The following LINC00305 variants were observed in gnomAD, a reference collection of about 807,000 sequenced individuals.
The protein encoded by LINC00305 is long intergenic non-protein coding RNA 305.
intron 1 of LINC00305, among the ~76,000 whole-genome samples, chr18:64,146,085 A>T (rs1038714426): frequency 1.3e-5 from 2 of 152,206 alleles, no homozygotes; most frequent in African/African-American, 4.8e-5. Flanking sequence ...ACTCTGAAAG[A>T]CAATTATCTT....
At chr18:64,094,856 A>AAAATAAATAAATAAATAAATAAAT (rs754074493) in intron 3 of LINC00305, among the ~76,000 whole-genome samples, 4,701 of 120,748 alleles carry the variant, frequency 0.039, 294 homozygotes, top group African/African-American at 0.12. Context: ...TTCATCTCAA[A>AAAATAAATAAATAAATAAATAAAT]AAATAAATAA....
intron 3 of LINC00305, among the ~76,000 whole-genome samples, chr18:64,092,590 C>T (rs1476311774): frequency 6.6e-6 from 1 of 152,056 alleles, no homozygotes; most frequent in Admixed American, 6.6e-5. Flanking sequence ...CATTTGCTGA[C>T]TAATCTGATT....
intron 3 of LINC00305, among the ~76,000 whole-genome samples, chr18:64,093,103 A>G (rs965720276): frequency 3.9e-5 from 6 of 152,210 alleles, no homozygotes; most frequent in Admixed American, 3.9e-4. Context: ...GTCTATAAAA[A>G]TATTAGCCTT....
intron 1 of LINC00305, among the ~76,000 whole-genome samples, chr18:64,103,441 C>T (rs568376103): frequency 6.6e-6 from 1 of 152,226 alleles, no homozygotes. Flanking sequence ...CTTCCTTTTG[C>T]GGCACTTCTC....
intron 1 of LINC00305, among the ~76,000 whole-genome samples, chr18:64,103,208 T>A (rs1384475171): frequency 6.6e-6 from 1 of 152,230 alleles, no homozygotes; most frequent in Non-Finnish European, 1.5e-5. Context: ...GTCTGCCATT[T>A]TCCCTGCTCC....
intron 1 of LINC00305, among the ~76,000 whole-genome samples, chr18:64,146,036 G>A (rs965092849): frequency 6.6e-6 from 1 of 151,976 alleles, no homozygotes; most frequent in Non-Finnish European, 1.5e-5. Context: ...ATATTTTATG[G>A]AAAGAACAAA....
intron 1 of LINC00305, among the ~76,000 whole-genome samples, chr18:64,126,151 A>G (rs1182003232): frequency 1.3e-5 from 2 of 152,026 alleles, no homozygotes; most frequent in Non-Finnish European, 2.9e-5. Flanking sequence ...CTACCTTGCA[A>G]TTAGATGGTG....
At chr18:64,090,621 G>C (rs1337926241) in intron 3 of LINC00305, among the ~76,000 whole-genome samples, 1 of 152,206 alleles carries the variant, frequency 6.6e-6, no homozygotes, top group Admixed American at 6.5e-5. Flanking sequence ...GGGGCCCCTT[G>C]CTCAAGTATT....
chr18:64,135,190 T>A lies in LINC00305; in HGVS notation n.314+13585A>T, dbSNP rs112547083. On this transcript the variant is annotated intron_variant and non_coding_transcript_variant, in intron 1 of 3. Transcript: ENST00000666468. Reference sequence around the variant, plus strand: ...TGTCTTTGTCCAAATTACCCCTTTTTATAAGGACACCGGTCATATTAGATT... The same window carrying A: ...TGTCTTTGTCCAAATTACCCCTTTTAATAAGGACACCGGTCATATTAGATT... Among the ~76,000 whole-genome samples the A allele has an allele frequency of 8.1e-3, 1,226 of 152,228 alleles. 19 individuals are homozygous for A. Among genetic ancestry groups the A allele is most frequent in the African/African-American group, 0.028 (1,175 of 41,510 alleles).
intron 3 of LINC00305, among the ~76,000 whole-genome samples, chr18:64,093,326 T>C (rs1027585331): frequency 2.0e-5 from 3 of 152,142 alleles, no homozygotes; most frequent in Non-Finnish European, 4.4e-5. Context: ...TCCTAACCTA[T>C]TTTTATTTTT....
At chr18:64,104,857 G>A (rs1303571098) in intron 1 of LINC00305, among the ~76,000 whole-genome samples, 1 of 151,818 alleles carries the variant, frequency 6.6e-6, no homozygotes, top group Non-Finnish European at 1.5e-5. Context: ...GGCCCAGGCT[G>A]CATCCTGGGA....
rs999607677 is a variant in LINC00305 at position 64,119,146 on chromosome 18, A to G, written n.315-20506T>C. On this transcript the variant is annotated intron_variant and non_coding_transcript_variant, in intron 1 of 3. Coordinates refer to ENST00000666468, the Ensembl canonical transcript of LINC00305. The stretch of plus-strand genomic sequence containing the variant: ...AAATAGGTAAATGAAAAAAGACAAT[A>G]CATGTGACTCCAGTAGAATTCAGGG... 3.9e-5 allele frequency among the ~76,000 whole-genome samples: 6 copies of G among 152,256 alleles called. No homozygotes were observed. In the South Asian group the frequency reaches 1.2e-3, roughly 32 times the overall value.
chr18:64,094,856 A>AAAATAAAT (rs754074493), intron 3 of LINC00305, among the ~76,000 whole-genome samples: 1,232 of 120,818 alleles, frequency 0.01, 20 homozygotes, highest in African/African-American at 0.03. Flanking sequence ...TTCATCTCAA[A>AAAATAAAT]AAATAAATAA....
chr18:64,126,372 AT>A (rs919449603), intron 1 of LINC00305, among the ~76,000 whole-genome samples: 35 of 152,166 alleles, frequency 2.3e-4, no homozygotes, highest in African/African-American at 8.2e-4. Flanking sequence ...CAGTAATTAT[AT>A]TTTTTTCACA....
intron 1 of LINC00305, among the ~76,000 whole-genome samples, chr18:64,116,390 A>G (rs1374684461): frequency 6.6e-6 from 1 of 152,202 alleles, no homozygotes; most frequent in African/African-American, 2.4e-5. Context: ...ATGTTTTAAG[A>G]ACATATTAAT....
At chr18:64,098,042 CCAA>C (rs1271266471) in intron 2 of LINC00305, 5 of 455,008 alleles carry the variant, frequency 1.1e-5, no homozygotes, top group African/African-American at 1.0e-4. Context: ...CAACAACTAA[CCAA>C]CAACAAAATT....
chr18:64,090,165 A>C (rs1012007093), intron 3 of LINC00305, among the ~76,000 whole-genome samples: 4 of 152,238 alleles, frequency 2.6e-5, no homozygotes, highest in African/African-American at 9.6e-5. Flanking sequence ...TTTATAGCCA[A>C]TATCACTAAG....
In LINC00305 at chr18:64,143,290, T is replaced by A. The variant is rs529141024; in HGVS notation, n.314+5485A>T. On this transcript the variant is annotated intron_variant and non_coding_transcript_variant, in intron 1 of 3. Transcript: ENST00000666468. Reference sequence around the variant, plus strand: ...GGATTGTAAGAGGTAAACATAAGATTAACAAAGCACCAAGATGACACTAAA... The same window carrying A: ...GGATTGTAAGAGGTAAACATAAGATAAACAAAGCACCAAGATGACACTAAA... 3.3e-5 allele frequency among the ~76,000 whole-genome samples: 5 copies of A among 152,258 alleles called. No homozygotes were observed. The East Asian group carries it at 5.8e-4, about 18-fold the overall frequency.
rs73471536 is a variant in LINC00305 at position 64,143,072 on chromosome 18, G to A, written n.314+5703C>T. Among the ~76,000 whole-genome samples, 179 of 152,278 alleles carry A rather than the reference G, an allele frequency of 1.2e-3. 1 individual carries two copies. Among genetic ancestry groups the A allele is most frequent in the African/African-American group, 4.2e-3 (174 of 41,550 alleles). On this transcript the variant is annotated intron_variant and non_coding_transcript_variant, in intron 1 of 3. Coordinates refer to ENST00000666468, the Ensembl canonical transcript of LINC00305. ...GTGCCATGAGGGGAAGGGGAAGAGAGTGGGAGTTAAAGATGTAAGAGTAAA... is the reference window on the plus strand; with the variant it reads ...GTGCCATGAGGGGAAGGGGAAGAGAATGGGAGTTAAAGATGTAAGAGTAAA...
Sources: gnomAD v4.1 joint callset for allele counts (sites outside exome capture counted in the v4.1 genomes callset) on GRCh38, gnomAD v4.1.1 for gene constraint, MANE v1.5 for transcripts, NCBI Gene and HGNC (gene_info 2026-07-23, HGNC 2026-07-21) for gene names.